Variants in AKAP13 observed in about 807,000 individuals in gnomAD.
AKAP13 encodes A-kinase anchoring protein 13.
Under a neutral mutation model 264.5 loss-of-function variants are expected in AKAP13, and 80 were observed. That is an observed-to-expected ratio of 0.30 (90% confidence interval 0.25 to 0.36). The LOEUF (loss-of-function observed/expected upper bound fraction) is 0.36, where lower values mean the gene tolerates loss of function less well. Among genes scored for constraint, AKAP13 ranks in the 10% least tolerant of loss-of-function variants. The pLI is 1.00. For missense variants in AKAP13, 3,712 were observed against 3,435.2 expected, an observed-to-expected ratio of 1.08 and a Z score of -2.01; for synonymous variants, 1,380 against 1,250.2, an observed-to-expected ratio of 1.10 and a Z score of -2.19.
intron 1 of AKAP13, among the ~76,000 whole-genome samples, chr15:85,384,102 A>G (rs2070431157): frequency 6.6e-6 from 1 of 152,238 alleles, no homozygotes; most frequent in African/African-American, 2.4e-5. Flanking sequence ...CCATCTTTCC[A>G]TTAGTTTTCT....
chr15:85,504,503 CAA>C (rs566579814), intron 2 of AKAP13, among the ~76,000 whole-genome samples: 22 of 91,036 alleles, frequency 2.4e-4, no homozygotes, highest in African/African-American at 6.6e-4. Context: ...CCTGTCTTTA[CAA>C]AAAAAAAAAA....
At chr15:85,664,854 A>G (rs2083504976) in intron 13 of AKAP13, 99 bp downstream of exon 13, 3 of 1,127,312 alleles carry the variant, frequency 2.7e-6, no homozygotes, top group Non-Finnish European at 3.7e-6. Flanking sequence ...AGCTATGATT[A>G]CTTACCCATT....
chr15:85,702,382 A>G (rs1046705907), intron 17 of AKAP13: 1 of 152,294 alleles, frequency 6.6e-6, no homozygotes, highest in Non-Finnish European at 1.5e-5. Flanking sequence ...GAATGTTTGT[A>G]TGTAGGAAGT....
At chr15:85,479,500 C>T (rs1211095620) in intron 1 of AKAP13, among the ~76,000 whole-genome samples, 2 of 152,184 alleles carry the variant, frequency 1.3e-5, no homozygotes, top group Non-Finnish European at 2.9e-5. Flanking sequence ...TAAAAATGCT[C>T]TATTTATACT....
chr15:85,457,059 C>T (rs1001446323), intron 1 of AKAP13, among the ~76,000 whole-genome samples: 14 of 152,096 alleles, frequency 9.2e-5, no homozygotes, highest in African/African-American at 3.4e-4. Context: ...GGACATGATC[C>T]CCTTTTTTCT....
rs527566604 is a variant in AKAP13, at chr15:85,527,178, T to G, written c.181+5603T>G. 3.3e-5 allele frequency among the ~76,000 whole-genome samples: 5 copies of G among 152,272 alleles called. No homozygotes were observed. In the East Asian group the frequency reaches 9.6e-4, roughly 29 times the overall value. On this transcript the variant is annotated intron_variant, in intron 3 of 36. Coordinates refer to ENST00000394518, the MANE Select transcript of AKAP13 (RefSeq NM_007200.5). ...CGGGGTTTCACCGTGTTAGCCAGGA[T>G]GGTCTTGATCTCCTGACCTCGTGAT...
chr15:85,688,771 G>A lies in AKAP13; in HGVS notation c.5289+3898G>A, dbSNP rs528131148. Among the ~76,000 whole-genome samples the A allele has an allele frequency of 2.6e-5, 4 of 152,248 alleles. No individual in the cohort carries two copies. The East Asian group carries it at 5.8e-4, about 22-fold the overall frequency. ...CTATGTCCTTTTGAGAATTATCACC[G>A]ACTGGCATAAGTGATTAGATTAGAT... is the stretch of plus-strand genomic sequence containing the variant. On this transcript the variant is annotated intron_variant, in intron 16 of 36. Coordinates refer to ENST00000394518, the MANE Select transcript of AKAP13 (RefSeq NM_007200.5).
chr15:85,731,327 C>A (rs1438013469), intron 30 of AKAP13, among the ~76,000 whole-genome samples: 1 of 152,122 alleles, frequency 6.6e-6, no homozygotes, highest in Admixed American at 6.5e-5. Context: ...ACTTATATAT[C>A]TTTATGGCTT....
intron 8 of AKAP13, among the ~76,000 whole-genome samples, chr15:85,589,614 A>G (rs919753466): frequency 1.3e-5 from 2 of 150,310 alleles, no homozygotes; most frequent in Non-Finnish European, 3.0e-5. Context: ...AAAAAAATAC[A>G]AGAGTTAGCC....
intron 1 of AKAP13, among the ~76,000 whole-genome samples, chr15:85,407,939 A>G (rs1292418637): frequency 1.3e-5 from 2 of 151,678 alleles, no homozygotes; most frequent in East Asian, 3.8e-4. Context: ...GCTTGAATGC[A>G]GTGAGGTTGG....
intron 10 of AKAP13, among the ~76,000 whole-genome samples, chr15:85,648,772 AACGC>A (rs2082675241): frequency 1.3e-5 from 2 of 152,216 alleles, no homozygotes; most frequent in East Asian, 3.9e-4. Context: ...GTAGGAGGTT[AACGC>A]TGCAGTGAGC....
At chr15:85,576,225 A>G (rs1026720) in intron 6 of AKAP13, among the ~76,000 whole-genome samples, 93,553 of 151,990 alleles carry the variant, frequency 0.62, 28,961 homozygotes, top group Middle Eastern at 0.72. Flanking sequence ...GTTTGGCTTA[A>G]CTTTACAAAA....
intron 3 of AKAP13, among the ~76,000 whole-genome samples, chr15:85,533,373 A>G (rs962593298): frequency 6.6e-6 from 1 of 152,154 alleles, no homozygotes. Context: ...GTTTTTTGTT[A>G]AGGGAATTCA....
intron 1 of AKAP13, among the ~76,000 whole-genome samples, chr15:85,461,370 C>T (rs2074505841): frequency 6.6e-6 from 1 of 152,210 alleles, no homozygotes; most frequent in African/African-American, 2.4e-5. Context: ...CCCGCCTCGG[C>T]CTCCCAGAGT....
chr15:85,744,794 C>T lies in AKAP13; in HGVS notation c.*117C>T. The T allele has an allele frequency of 1.0e-6, 1 of 968,444 alleles. No individual in the cohort carries two copies. Among genetic ancestry groups the T allele is most frequent in the Admixed American group, 2.6e-5 (1 of 38,410 alleles). The allele number at this position is 968,444 out of a possible 1,614,324, so 60.0% of individuals were successfully genotyped here. A position where few individuals can be genotyped will look rare whatever the true frequency, so the allele number is the denominator to read the frequency against. ...CGCCCACTGCTCCTCAGCGTCCAGT[C>T]CTCCTGGGCGGCCCCAGGTCCTGGA... On this transcript the variant is annotated 3_prime_UTR_variant, in exon 37 of 37. Transcript: ENST00000394518.
chr15:85,697,754 T>A (rs549380941), intron 17 of AKAP13, among the ~76,000 whole-genome samples: 3 of 152,360 alleles, frequency 2.0e-5, no homozygotes, highest in Non-Finnish European at 2.9e-5. Flanking sequence ...TATAATTGTT[T>A]ATAAAGGAAT....
chr15:85,711,086 G>C (rs1244485169), intron 19 of AKAP13, among the ~76,000 whole-genome samples: 1 of 151,956 alleles, frequency 6.6e-6, no homozygotes, highest in Non-Finnish European at 1.5e-5. Flanking sequence ...CACAATCTCG[G>C]CTCACTGCAA....
At chr15:85,497,467 TG>T (rs1162329724) in intron 2 of AKAP13, among the ~76,000 whole-genome samples, 3 of 152,112 alleles carry the variant, frequency 2.0e-5, no homozygotes, top group African/African-American at 7.2e-5. Flanking sequence ...CTGTGGAGAC[TG>T]GGAAGAGCAG....
intron 2 of AKAP13, among the ~76,000 whole-genome samples, chr15:85,495,470 C>T (rs370819106): frequency 6.6e-6 from 1 of 152,112 alleles, no homozygotes; most frequent in African/African-American, 2.4e-5. Flanking sequence ...ATCTCAGATT[C>T]TTCAGTTATA....
Sources: allele counts gnomAD v4.1 joint callset (sites outside exome capture counted in the v4.1 genomes callset), GRCh38; gene constraint gnomAD v4.1.1; transcripts MANE v1.5; gene names NCBI Gene and HGNC (gene_info 2026-07-23, HGNC 2026-07-21).